Variants in TMEM161A observed in about 807,000 individuals in gnomAD.
TMEM161A encodes adaptive response to oxidative stress protein 29.
In TMEM161A, 46 loss-of-function variants were observed where a neutral mutation model predicts 57.1. That is an observed-to-expected ratio of 0.81 (90% CI 0.64 to 1.03). TMEM161A has a LOEUF of 1.03. Among genes scored for constraint, TMEM161A ranks in the 50% least tolerant of loss-of-function variants. The pLI is 0.00. For missense variants in TMEM161A, 601 were observed against 621.5 expected (o/e 0.97, Z 0.35); for synonymous variants, 288 against 279.0 (o/e 1.03, Z -0.32).
chr19:19,125,620 C>G (rs1173536660), intron 6 of TMEM161A, among the ~76,000 whole-genome samples: 1 of 150,918 alleles, frequency 6.6e-6, no homozygotes, highest in Non-Finnish European at 1.5e-5. Flanking sequence ...GGGTTCACGC[C>G]ATTCTCCTGC....
chr19:19,123,209 C>A (rs368613050), intron 6 of TMEM161A, among the ~76,000 whole-genome samples: 17 of 152,036 alleles, frequency 1.1e-4, no homozygotes, highest in Admixed American at 7.2e-4. Context: ...GAGAGCCCAA[C>A]GCAAATCAAA....
chr19:19,125,060 G>A (rs1177817515), intron 6 of TMEM161A, among the ~76,000 whole-genome samples: 1 of 152,010 alleles, frequency 6.6e-6, no homozygotes, highest in African/African-American at 2.4e-5. Flanking sequence ...AGAAAAGATT[G>A]AAAATTTATG....
intron 6 of TMEM161A, among the ~76,000 whole-genome samples, chr19:19,128,190 GA>G (rs2059940241): frequency 6.6e-6 from 1 of 151,500 alleles, no homozygotes; most frequent in African/African-American, 2.4e-5. Flanking sequence ...GAGTTGTGGA[GA>G]TGGACGGTGG....
intron 2 of TMEM161A, 187 bp from the exon 3 acceptor site, chr19:19,133,397 G>T: frequency 1.7e-6 from 1 of 578,094 alleles, no homozygotes; most frequent in South Asian, 2.3e-5. Flanking sequence ...GGCTGAGTGG[G>T]CTCCGGGGGC....
chr19:19,120,044 A>G lies in TMEM161A; in HGVS notation c.1326T>C (p.Leu442=). Residue 442 remains leucine (L), a synonymous_variant, in exon 12 of 12, where the codon CTT becomes CTC. Transcript: ENST00000162044. Reference sequence around the variant, plus strand: ...GGACGCCACGGAGGAAGAGGGGAGTAAGCAGGCCACCCAGAGCCCCGGCAA... The same window carrying G: ...GGACGCCACGGAGGAAGAGGGGAGTGAGCAGGCCACCCAGAGCCCCGGCAA... ...ARIAGALGGL[L]TPLFLRGVLA... is the part of the protein sequence containing the mutation. 6.2e-7 allele frequency: 1 copy of G among 1,601,690 alleles called. No individual in the cohort carries two copies. The highest frequency in any genetic ancestry group is 1.1e-5 in the South Asian group (1 of 88,958).
intron 6 of TMEM161A, among the ~76,000 whole-genome samples, chr19:19,123,928 C>T (rs908732914): frequency 1.1e-4 from 16 of 151,788 alleles, no homozygotes; most frequent in Non-Finnish European, 1.9e-4. Flanking sequence ...GGCATGGTGG[C>T]GGGTAATACC....
In TMEM161A at chr19:19,121,176, G is replaced by A. The variant is rs754723610; in HGVS notation, c.915-10C>T. The A allele has an allele frequency of 1.1e-5, 17 of 1,594,616 alleles. No individual in the cohort carries two copies. In the East Asian group the frequency reaches 1.1e-4, roughly 11 times the overall value. On this transcript the variant is annotated splice_polypyrimidine_tract_variant and intron_variant, in intron 9 of 11. Transcript: ENST00000162044. The surrounding 1 kb of genome is among the most constrained non-coding windows in gnomAD (Gnocchi z 5.8). ...GGCAGAATCGGACAGCCTGTGCGGAGAGGGCCGGGGGCAAGGGACTAAGAA... is the reference window on the plus strand; with the variant it reads ...GGCAGAATCGGACAGCCTGTGCGGAAAGGGCCGGGGGCAAGGGACTAAGAA...
chr19:19,129,503 T>C (rs1437858353), intron 6 of TMEM161A, among the ~76,000 whole-genome samples: 1 of 151,856 alleles, frequency 6.6e-6, no homozygotes, highest in Non-Finnish European at 1.5e-5. Flanking sequence ...AACAACAATT[T>C]GGGAGGCTGA....
intron 2 of TMEM161A, among the ~76,000 whole-genome samples, chr19:19,134,564 T>G (rs1469891370): frequency 1.3e-5 from 2 of 152,108 alleles, no homozygotes; most frequent in Non-Finnish European, 2.9e-5. Flanking sequence ...ATCAGGTCAC[T>G]GCACTCCAGA....
intron 6 of TMEM161A, among the ~76,000 whole-genome samples, chr19:19,128,279 T>C (rs1367977694): frequency 6.7e-6 from 1 of 149,380 alleles, no homozygotes; most frequent in Non-Finnish European, 1.5e-5. Context: ...TCGCCCAGGC[T>C]GGAGTGCAGT....
At chr19:19,127,316 C>CTT (rs151128285) in intron 6 of TMEM161A, among the ~76,000 whole-genome samples, 2 of 73,272 alleles carry the variant, frequency 2.7e-5, no homozygotes, top group African/African-American at 5.6e-5. Context: ...AGTGTTCAGT[C>CTT]TTTTTTTTTT....
In TMEM161A at chr19:19,120,752, C is replaced by A. The variant is rs1466713274; in HGVS notation, c.1186+13G>T. 1 of 1,612,144 alleles carries A rather than the reference C, an allele frequency of 6.2e-7. No individual in the cohort carries two copies. On this transcript the variant is annotated intron_variant, in intron 11 of 11. Coordinates refer to ENST00000162044, the MANE Select transcript of TMEM161A (RefSeq NM_017814.3). ...CTCCGCCCCTCCTCCACCCCCACAC[C>A]GCGGCATCTCACCCAGCGTCTTGAG...
At chr19:19,125,626 C>G (rs1478669908) in intron 6 of TMEM161A, among the ~76,000 whole-genome samples, 2 of 151,648 alleles carry the variant, frequency 1.3e-5, no homozygotes, top group African/African-American at 4.8e-5. Flanking sequence ...ACGCCATTCT[C>G]CTGCCTCAGC....
At chr19:19,128,610 C>G (rs1417926738) in intron 6 of TMEM161A, among the ~76,000 whole-genome samples, 2 of 147,214 alleles carry the variant, frequency 1.4e-5, no homozygotes, top group East Asian at 4.0e-4. Context: ...TCGATCTTGG[C>G]TCACCACAAC....
Position 19,119,996 on chromosome 19 carries a change from C to T in TMEM161A, c.1374G>A (p.Thr458=). 1.3e-6 allele frequency: 2 copies of T among 1,585,954 alleles called. No individual in the cohort carries two copies. Among genetic ancestry groups the T allele is most frequent in the African/African-American group, 1.3e-5 (1 of 74,528 alleles). The change falls in exon 12 of 12, where the codon ACG becomes ACA. Residue 458 remains threonine, a synonymous_variant. Coordinates refer to ENST00000162044, the MANE Select transcript of TMEM161A (RefSeq NM_017814.3). ...GGCTGGCGAGCAGCTGGCAGGCAGC[C>T]GTCCACCAGATGAGGTAGGCCAGGA... ...RGVLAYLIWW[T]AACQLLASLF...
chr19:19,132,447 C>T lies in TMEM161A; in HGVS notation c.348G>A (p.Val116=). The change falls in exon 5 of 12, where the codon GTG becomes GTA. Residue 116 remains valine, a synonymous_variant. Coordinates refer to ENST00000162044, the MANE Select transcript of TMEM161A (RefSeq NM_017814.3). The surrounding 1 kb of genome is among the most constrained non-coding windows in gnomAD (Gnocchi z 4.3). Reference sequence around the variant, plus strand: ...AGTAGTAGGCCTCTGTGAAGAGGTACACGCCGCCCGAGTACACAGCAAAGT... The same window carrying T: ...AGTAGTAGGCCTCTGTGAAGAGGTATACGCCGCCCGAGTACACAGCAAAGT... ...FVDFAVYSGG[V]YLFTEAYYYM... 6.2e-7 allele frequency: 1 copy of T among 1,614,166 alleles called. No individual in the cohort carries two copies. Among genetic ancestry groups the T allele is most frequent in the Non-Finnish European group, 8.5e-7 (1 of 1,180,036 alleles).
chr19:19,120,279 A>C, intron 11 of TMEM161A, 96 bp from the exon 12 acceptor site: 1 of 1,071,234 alleles, frequency 9.3e-7, no homozygotes, highest in Non-Finnish European at 1.3e-6. Context: ...TCCTCCAGAC[A>C]CTCCCACCCC....
rs2059963040 is a variant in TMEM161A, at chr19:19,132,384, C to A, written c.411G>T (p.Val137=). The A allele has an allele frequency of 6.2e-7, 1 of 1,614,032 alleles. No homozygotes were observed. The highest frequency in any genetic ancestry group is 2.2e-5 in the East Asian group (1 of 44,878). ...AGGTCACCGTGAGCAGGCACCAGAA[C>A]ACAGCAATGTTAGTCTCCTTGGCTG... ...LGPAKETNIA[V]FWCLLTVTFS... The change falls in exon 5 of 12, where the codon GTG becomes GTT. Residue 137 remains valine (V), a synonymous_variant. Transcript: ENST00000162044. This position sits in a 1 kb window ranked among gnomAD's most constrained non-coding sequence, Gnocchi z 4.3.
chr19:19,133,428 T>A, intron 2 of TMEM161A: 1 of 536,648 alleles, frequency 1.9e-6, no homozygotes. Flanking sequence ...CTGAATCTGC[T>A]GGCTAACTCT....
Sources: allele counts gnomAD v4.1 joint callset (sites outside exome capture counted in the v4.1 genomes callset), GRCh38; gene constraint gnomAD v4.1.1; non-coding constraint Gnocchi (gnomAD v3.1); transcripts MANE v1.5; gene names NCBI Gene and HGNC (gene_info 2026-07-23, HGNC 2026-07-21).